RPRD1A: variants seen among roughly 807,000 people sequenced by gnomAD.
The protein encoded by RPRD1A is regulation of nuclear pre-mRNA domain containing 1A, also known as regulation of nuclear pre-mRNA domain-containing protein 1A.
Under a neutral mutation model 37.8 loss-of-function variants are expected in RPRD1A, and 9 were observed. The observed-to-expected ratio is 0.24, with a 90% CI of 0.14 to 0.42. The LOEUF (loss-of-function observed/expected upper bound fraction) is 0.42. RPRD1A is among the 10% of genes least tolerant of loss of function. The probability of loss-of-function intolerance (pLI) is 1.00; values close to 1 mark genes in which losing one functional copy is unlikely to be tolerated. For missense variants in RPRD1A, 255 were observed against 371.0 expected (o/e 0.69, Z 2.57); for synonymous variants, 138 against 139.7 (o/e 0.99, Z 0.08).
intron 1 of RPRD1A, among the ~76,000 whole-genome samples, chr18:36,061,617 TAA>T (rs1284914636): frequency 6.6e-6 from 1 of 152,238 alleles, no homozygotes; most frequent in African/African-American, 2.4e-5. Flanking sequence ...TGATGTATAT[TAA>T]GTTTTAAAAT....
At chr18:36,024,887 T>C (rs1431680783) in intron 6 of RPRD1A, 1 of 152,222 alleles carries the variant, frequency 6.6e-6, no homozygotes, top group African/African-American at 2.4e-5. Context: ...TACAAAGAGT[T>C]CTGTGGAATA....
chr18:36,036,606 T>C (rs1348356966), intron 1 of RPRD1A, among the ~76,000 whole-genome samples: 1 of 152,136 alleles, frequency 6.6e-6, no homozygotes, highest in Non-Finnish European at 1.5e-5. Context: ...CCAGCAATCA[T>C]CACAACTTAT....
chr18:36,009,121 T>C (rs1426195651), intron 6 of RPRD1A, among the ~76,000 whole-genome samples: 1 of 152,166 alleles, frequency 6.6e-6, no homozygotes, highest in African/African-American at 2.4e-5. Context: ...TTCTTATGTA[T>C]TGTCTTTCCA....
At chr18:36,041,815 T>G (rs1199739662) in intron 1 of RPRD1A, among the ~76,000 whole-genome samples, 1 of 152,262 alleles carries the variant, frequency 6.6e-6, no homozygotes, top group Non-Finnish European at 1.5e-5. Flanking sequence ...CAATGGATTC[T>G]ATCTGTCCCA....
At chr18:36,007,418 A>G (rs752107709) in intron 6 of RPRD1A, among the ~76,000 whole-genome samples, 1 of 152,232 alleles carries the variant, frequency 6.6e-6, no homozygotes, top group African/African-American at 2.4e-5. Context: ...CGGTATGTTC[A>G]ATACTAAAGG....
In RPRD1A at chr18:36,031,115, GAAAA is replaced by G. The variant is rs750509325; in HGVS notation, c.282-22_282-19del. The stretch of plus-strand genomic sequence containing the variant: ...CAGTTTCACTAAAAAAAAAAAAAAA[GAAAA>G]AAAGAAAAATGTTAACAGTAACAAT... On this transcript the variant is annotated intron_variant, in intron 2 of 6. Transcript: ENST00000399022. 232 of 1,356,890 alleles carry G rather than the reference GAAAA, an allele frequency of 1.7e-4. 1 individual carries two copies. The Middle Eastern group carries it at 1.9e-3, about 11-fold the overall frequency. The allele number at this position is 1,356,890 out of a possible 1,614,324, so 84.1% of individuals were successfully genotyped here.
chr18:36,037,005 T>C (rs1295849350), intron 1 of RPRD1A, among the ~76,000 whole-genome samples: 1 of 152,212 alleles, frequency 6.6e-6, no homozygotes, highest in Non-Finnish European at 1.5e-5. Flanking sequence ...ATGTTTGCCA[T>C]GTACCAGGGA....
chr18:36,036,126 C>T (rs1255873418), intron 1 of RPRD1A, among the ~76,000 whole-genome samples: 1 of 151,922 alleles, frequency 6.6e-6, no homozygotes, highest in East Asian at 1.9e-4. Context: ...GAGACAAGTT[C>T]TGTCTCCCAG....
chr18:36,065,662 C>G (rs1373079680), intron 1 of RPRD1A, among the ~76,000 whole-genome samples: 2 of 152,188 alleles, frequency 1.3e-5, no homozygotes, highest in Non-Finnish European at 2.9e-5. Flanking sequence ...CTAAGTTGAT[C>G]TACAAAATAG....
chr18:36,067,409 C>T lies in RPRD1A; in HGVS notation c.-5G>A. ...CGCCTCAGAGAAGGCTGACATCCCTCCGACACCACGTTCACGCCGTCCCAC... is the reference window on the plus strand; with the variant it reads ...CGCCTCAGAGAAGGCTGACATCCCTTCGACACCACGTTCACGCCGTCCCAC... On this transcript the variant is annotated 5_prime_UTR_variant, in exon 1 of 7. Transcript: ENST00000399022. 6.2e-7 allele frequency: 1 copy of T among 1,605,182 alleles called. No individual in the cohort carries two copies. The highest frequency in any genetic ancestry group is 8.5e-7 in the Non-Finnish European group (1 of 1,176,022).
intron 6 of RPRD1A, among the ~76,000 whole-genome samples, chr18:36,015,173 T>TACAC (rs368940718): frequency 0.044 from 5,747 of 130,850 alleles, 135 homozygotes; most frequent in South Asian, 0.053. Context: ...TACACATATA[T>TACAC]ACACACACAC....
intron 1 of RPRD1A, among the ~76,000 whole-genome samples, chr18:36,045,455 A>G (rs778244860): frequency 2.0e-5 from 3 of 152,320 alleles, no homozygotes; most frequent in Middle Eastern, 3.4e-3. Flanking sequence ...CACTGCTTAC[A>G]TAGTTTCTGT....
intron 1 of RPRD1A, chr18:36,063,902 C>T (rs1177733923): frequency 6.6e-6 from 1 of 152,374 alleles, no homozygotes; most frequent in Non-Finnish European, 1.5e-5. Flanking sequence ...TCAACACTAT[C>T]ATCACTACCA....
At chr18:36,032,025 T>C (rs902395910) in intron 2 of RPRD1A, among the ~76,000 whole-genome samples, 27 of 152,198 alleles carry the variant, frequency 1.8e-4, no homozygotes, top group African/African-American at 5.5e-4. Context: ...CCTAGAATCC[T>C]TTCTGCCTAG....
intron 1 of RPRD1A, among the ~76,000 whole-genome samples, chr18:36,038,224 C>A (rs1912335533): frequency 6.6e-6 from 1 of 152,212 alleles, no homozygotes; most frequent in African/African-American, 2.4e-5. Flanking sequence ...CCATCACAGG[C>A]CCAGAGGCCG....
At chr18:36,006,012 ACT>A (rs1173246412) in intron 6 of RPRD1A, among the ~76,000 whole-genome samples, 4 of 152,174 alleles carry the variant, frequency 2.6e-5, no homozygotes, top group African/African-American at 9.7e-5. Flanking sequence ...TCTGTGCCTC[ACT>A]GTTCTCATTT....
intron 6 of RPRD1A, among the ~76,000 whole-genome samples, chr18:36,022,482 C>A (rs1418693623): frequency 6.6e-6 from 1 of 152,178 alleles, no homozygotes; most frequent in East Asian, 1.9e-4. Flanking sequence ...TCATTAGGAG[C>A]TAAAGTAGCT....
intron 1 of RPRD1A, among the ~76,000 whole-genome samples, chr18:36,042,088 A>G (rs1468376249): frequency 6.6e-6 from 1 of 152,190 alleles, no homozygotes; most frequent in East Asian, 1.9e-4. Flanking sequence ...AAAGGCCTTA[A>G]ACAAAGAGGT....
intron 6 of RPRD1A, among the ~76,000 whole-genome samples, chr18:36,000,787 G>C (rs904835420): frequency 8.5e-5 from 13 of 152,236 alleles, no homozygotes; most frequent in African/African-American, 3.1e-4. Context: ...TTCACCCAAA[G>C]TCAACAGACA....
Sources: allele counts gnomAD v4.1 joint callset (sites outside exome capture counted in the v4.1 genomes callset), GRCh38; gene constraint gnomAD v4.1.1; transcripts MANE v1.5; gene names NCBI Gene and HGNC (gene_info 2026-07-23, HGNC 2026-07-21).